Variants in SEPTIN9 observed in about 807,000 individuals in gnomAD.
SEPTIN9 encodes the protein septin-9.
Under a neutral mutation model 56.6 loss-of-function variants are expected in SEPTIN9, and 13 were observed. That is an observed-to-expected ratio of 0.23 (90% CI 0.15 to 0.37). The LOEUF is 0.37. Among genes scored for constraint, SEPTIN9 ranks in the 10% least tolerant of loss-of-function variants. The pLI, the probability that SEPTIN9 is intolerant of heterozygous loss-of-function variation, is 1.00. For synonymous variants in SEPTIN9, 332 were observed against 334.1 expected (o/e 0.99, Z 0.07); for missense variants, 650 against 823.1 (o/e 0.79, Z 2.57).
intron 3 of SEPTIN9, among the ~76,000 whole-genome samples, chr17:77,471,743 G>A (rs312818): frequency 0.14 from 21,222 of 152,252 alleles, 3,909 homozygotes; most frequent in African/African-American, 0.42. Flanking sequence ...AGATTTGCCA[G>A]GAACTAAAGG....
At chr17:77,478,704 G>A (rs1477778670) in intron 3 of SEPTIN9, among the ~76,000 whole-genome samples, 1 of 151,934 alleles carries the variant, frequency 6.6e-6, no homozygotes, top group Non-Finnish European at 1.5e-5. Context: ...TTGAGAGGCT[G>A]AGGCAGGAGA....
intron 1 of SEPTIN9, among the ~76,000 whole-genome samples, chr17:77,299,209 A>G (rs1444127997): frequency 6.6e-6 from 1 of 152,144 alleles, no homozygotes; most frequent in Non-Finnish European, 1.5e-5. Context: ...CCCTTAGTGC[A>G]TCTCTGGAGG....
At chr17:77,345,646 C>T (rs2033867533) in intron 2 of SEPTIN9, among the ~76,000 whole-genome samples, 2 of 152,146 alleles carry the variant, frequency 1.3e-5, no homozygotes, top group Admixed American at 1.3e-4. Context: ...TGGAGAAACT[C>T]AGTACAGAGC....
chr17:77,357,604 C>T (rs2034294981), intron 2 of SEPTIN9, among the ~76,000 whole-genome samples: 1 of 152,110 alleles, frequency 6.6e-6, no homozygotes, highest in Non-Finnish European at 1.5e-5. Flanking sequence ...CCCTCCCTTC[C>T]CCTCCCCTCT....
chr17:77,485,823 G>C (rs896614839), intron 4 of SEPTIN9, among the ~76,000 whole-genome samples: 2 of 152,084 alleles, frequency 1.3e-5, no homozygotes, highest in Non-Finnish European at 2.9e-5. Flanking sequence ...CAGAACATCA[G>C]TGTAATTTAG....
chr17:77,288,792 A>G (rs1353253505), intron 1 of SEPTIN9, among the ~76,000 whole-genome samples: 3 of 152,138 alleles, frequency 2.0e-5, no homozygotes, highest in Admixed American at 6.5e-5. Context: ...GGGTCTACAG[A>G]GGTGTCGGGC....
At chr17:77,479,659 C>A (rs1374834041) in intron 3 of SEPTIN9, among the ~76,000 whole-genome samples, 2 of 152,198 alleles carry the variant, frequency 1.3e-5, no homozygotes, top group Non-Finnish European at 2.9e-5. Flanking sequence ...AGGGACCCAG[C>A]TGCAGCTGAG....
At chr17:77,403,962 A>G (rs1466190733) in intron 3 of SEPTIN9, among the ~76,000 whole-genome samples, 2 of 152,032 alleles carry the variant, frequency 1.3e-5, no homozygotes, top group Non-Finnish European at 2.9e-5. Context: ...GGCAGCCACC[A>G]TTCTATTTTC....
chr17:77,410,235 CCATCCCACTG>C (rs2144144274), intron 3 of SEPTIN9, among the ~76,000 whole-genome samples: 1 of 152,250 alleles, frequency 6.6e-6, no homozygotes, highest in East Asian at 1.9e-4. Flanking sequence ...CCCTGTCCCC[CCATCCCACTG>C]CTGCTACTGG....
intron 2 of SEPTIN9, among the ~76,000 whole-genome samples, chr17:77,378,682 C>T (rs367670727): frequency 6.6e-6 from 1 of 152,182 alleles, no homozygotes; most frequent in African/African-American, 2.4e-5. Context: ...CAGTAGCGCC[C>T]GCCTGGGGGT....
chr17:77,367,335 T>C lies in SEPTIN9; in HGVS notation c.77-34724T>C, dbSNP rs1217506297. 5.3e-5 allele frequency among the ~76,000 whole-genome samples: 8 copies of C among 152,166 alleles called. No individual in the cohort carries two copies. The highest frequency in any genetic ancestry group is 1.7e-4 in the African/African-American group (7 of 41,436). On this transcript the variant is annotated intron_variant, in intron 2 of 11. Transcript: ENST00000427177. The surrounding 1 kb of genome is among the most constrained non-coding windows in gnomAD (Gnocchi z 4.5). ...TGGCAGAACGCACATGAAGAATCCA[T>C]GTGTGTTCTGAACGTCCCCTCTGCC... is the stretch of plus-strand genomic sequence containing the variant.
In SEPTIN9 at chr17:77,369,901, A is replaced by G. The variant is rs2034670202; in HGVS notation, c.77-32158A>G. On this transcript the variant is annotated intron_variant, in intron 2 of 11. Coordinates refer to ENST00000427177, the MANE Select transcript of SEPTIN9 (RefSeq NM_001113491.2). This position sits in a 1 kb window ranked among gnomAD's most constrained non-coding sequence, Gnocchi z 4.9. Reference sequence around the variant, plus strand: ...TCCGTTCCCACGCTTTGTAAGCTTCATTTCCCCGGGGCCTGACCTGTGGGG... The same window carrying G: ...TCCGTTCCCACGCTTTGTAAGCTTCGTTTCCCCGGGGCCTGACCTGTGGGG... 6.6e-6 allele frequency among the ~76,000 whole-genome samples: 1 copy of G among 151,968 alleles called. No homozygotes were observed. Among genetic ancestry groups the G allele is most frequent in the Admixed American group, 6.5e-5 (1 of 15,272 alleles).
rs114270921 is a variant in SEPTIN9 at position 77,480,614 on chromosome 17, C to T, written c.722-1530C>T. On this transcript the variant is annotated intron_variant, in intron 3 of 11. Coordinates refer to ENST00000427177, the MANE Select transcript of SEPTIN9 (RefSeq NM_001113491.2). ...GGGAGGGCTGCTCACTTGCCTGTCA[C>T]GGGGGATGAGCCCCCTGCAGCCTCC... Among the ~76,000 whole-genome samples the T allele has an allele frequency of 6.0e-3, 917 of 152,328 alleles. 12 individuals carry two copies. The highest frequency in any genetic ancestry group is 0.019 in the African/African-American group (775 of 41,576).
intron 10 of SEPTIN9, among the ~76,000 whole-genome samples, chr17:77,494,707 T>C (rs896207214): frequency 6.6e-6 from 1 of 151,638 alleles, no homozygotes; most frequent in Non-Finnish European, 1.5e-5. Context: ...GTTGAAGAGG[T>C]GCTGTGAGCA....
intron 3 of SEPTIN9, among the ~76,000 whole-genome samples, chr17:77,404,092 G>A (rs756747504): frequency 1.3e-5 from 2 of 152,198 alleles, no homozygotes; most frequent in East Asian, 1.9e-4. Context: ...AGGTTCATCC[G>A]TCGTGCTGTA....
Position 77,400,354 on chromosome 17 carries a change from C to G in SEPTIN9, c.77-1705C>G, listed in dbSNP as rs1453987304. Among the ~76,000 whole-genome samples the G allele has an allele frequency of 6.6e-6, 1 of 152,194 alleles. No individual in the cohort carries two copies. Among genetic ancestry groups the G allele is most frequent in the East Asian group, 1.9e-4 (1 of 5,196 alleles). On this transcript the variant is annotated intron_variant, in intron 2 of 11. Transcript: ENST00000427177. This position sits in a 1 kb window ranked among gnomAD's most constrained non-coding sequence, Gnocchi z 4.1. The stretch of plus-strand genomic sequence containing the variant: ...GACGGAGCTGAGACAGGGCCTGTGA[C>G]AACTGAGAGTTCTCTGGAGTCCACA...
rs750592212 is a variant in SEPTIN9 at position 77,437,904 on chromosome 17, G to A, written c.721+35201G>A. Among the ~76,000 whole-genome samples, 36 of 152,340 alleles carry A rather than the reference G, an allele frequency of 2.4e-4. No individual in the cohort carries two copies. In the Middle Eastern group the frequency reaches 0.01, roughly 43 times the overall value. On this transcript the variant is annotated intron_variant, in intron 3 of 11. Coordinates refer to ENST00000427177, the MANE Select transcript of SEPTIN9 (RefSeq NM_001113491.2). The surrounding 1 kb of genome is among the most constrained non-coding windows in gnomAD (Gnocchi z 5.3). ...GTGACAGTGGGGGCCCCTTGCTTGC[G>A]CTGGTGACTGTGGCTGGTTGTTGGT...
chr17:77,406,664 GTTT>G (rs1172644333), intron 3 of SEPTIN9, among the ~76,000 whole-genome samples: 1 of 141,188 alleles, frequency 7.1e-6, no homozygotes, highest in Non-Finnish European at 1.5e-5. Context: ...TTTTTTTTGT[GTTT>G]TTTTTTTGTT....
intron 2 of SEPTIN9, among the ~76,000 whole-genome samples, chr17:77,332,260 GAACAA>G (rs2033393178): frequency 6.6e-6 from 1 of 151,030 alleles, no homozygotes; most frequent in Non-Finnish European, 1.5e-5. Flanking sequence ...CTGGGCGACA[GAACAA>G]AACCCTGTCT....
Sources: allele counts gnomAD v4.1 joint callset (sites outside exome capture counted in the v4.1 genomes callset), GRCh38; gene constraint gnomAD v4.1.1; non-coding constraint Gnocchi (gnomAD v3.1); transcripts MANE v1.5; gene names NCBI Gene and HGNC (gene_info 2026-07-23, HGNC 2026-07-21).